The following PBX3 variants were observed in gnomAD, a reference collection of about 807,000 sequenced individuals.
The protein encoded by PBX3 is PBX homeobox 3, also known as pre-B-cell leukemia transcription factor 3.
In PBX3, 14 loss-of-function variants were observed where a neutral mutation model predicts 48.5. The ratio of observed to expected loss-of-function variants is 0.29; its 90% CI spans 0.19 to 0.45. The LOEUF is 0.45. PBX3 is among the 20% of genes least tolerant of loss of function. The pLI is 1.00. For missense variants in PBX3, 386 were observed against 546.7 expected (o/e 0.71, Z 2.93); for synonymous variants, 210 against 200.3 (o/e 1.05, Z -0.41).
intron 2 of PBX3, chr9:125,797,256 TAAGG>T (rs1392281249): frequency 1.3e-5 from 2 of 152,130 alleles, no homozygotes; most frequent in Non-Finnish European, 2.9e-5. Context: ...GTATTTGAAA[TAAGG>T]AAGAAGTTTT....
In PBX3 at chr9:125,801,272, C is replaced by G. The variant is rs752452064; in HGVS notation, c.274+52649C>G. Among the ~76,000 whole-genome samples, 134 of 152,102 alleles carry G rather than the reference C, an allele frequency of 8.8e-4. 10 individuals are homozygous for G. Among genetic ancestry groups the G allele is most frequent in the Non-Finnish European group, 1.5e-5 (1 of 68,022 alleles). The stretch of plus-strand genomic sequence containing the variant: ...GTTTTCATCCTGCCAAATTTTCTGC[C>G]GGGCTTCAGGCTGCCGAATTAGGCT... On this transcript the variant is annotated intron_variant, in intron 2 of 8. Coordinates refer to ENST00000373489, the MANE Select transcript of PBX3 (RefSeq NM_006195.6).
chr9:125,920,716 T>C (rs1203303449), intron 3 of PBX3, among the ~76,000 whole-genome samples: 1 of 152,230 alleles, frequency 6.6e-6, no homozygotes, highest in African/African-American at 2.4e-5. Flanking sequence ...TTCCCAAGCA[T>C]CTGGGAACCT....
At chr9:125,918,369 G>GT (rs753895526) in intron 3 of PBX3, among the ~76,000 whole-genome samples, 184 of 151,108 alleles carry the variant, frequency 1.2e-3, no homozygotes, top group South Asian at 3.4e-3. Context: ...AATCACCAGG[G>GT]TTTTTTTTTA....
At chr9:125,931,557 G>C (rs992103603) in intron 4 of PBX3, among the ~76,000 whole-genome samples, 1 of 152,126 alleles carries the variant, frequency 6.6e-6, no homozygotes, top group African/African-American at 2.4e-5. Flanking sequence ...CCAAAGTGCT[G>C]GGATTATAGG....
At position 125,872,075 on chromosome 9, in the gene PBX3, G is replaced by A. The variant is rs143197268; in HGVS notation, c.275-43611G>A. ...TTAAAAAAATTAGATTGAATAGATTGTATAGCTTCCAGACTAGTAAAGTAA... is the reference window on the plus strand; with the variant it reads ...TTAAAAAAATTAGATTGAATAGATTATATAGCTTCCAGACTAGTAAAGTAA... On this transcript the variant is annotated intron_variant, in intron 2 of 8. Coordinates refer to ENST00000373489, the MANE Select transcript of PBX3 (RefSeq NM_006195.6). Among the ~76,000 whole-genome samples the A allele has an allele frequency of 1.4e-4, 22 of 152,258 alleles. 1 individual carries two copies. The highest frequency in any genetic ancestry group is 6.8e-3 in the Middle Eastern group (2 of 294).
chr9:125,797,834 C>A (rs1355592670), intron 2 of PBX3, among the ~76,000 whole-genome samples: 2 of 152,068 alleles, frequency 1.3e-5, no homozygotes, highest in Admixed American at 6.5e-5. Flanking sequence ...TATGCTTTCT[C>A]CTCCAAGTAT....
intron 2 of PBX3, among the ~76,000 whole-genome samples, chr9:125,805,056 A>G (rs1241458258): frequency 6.6e-6 from 1 of 152,126 alleles, no homozygotes; most frequent in African/African-American, 2.4e-5. Context: ...AAGTATATCA[A>G]CAGACTGATG....
chr9:125,821,862 A>G (rs1272431560), intron 2 of PBX3, among the ~76,000 whole-genome samples: 1 of 152,152 alleles, frequency 6.6e-6, no homozygotes, highest in African/African-American at 2.4e-5. Flanking sequence ...AATGAGAAAT[A>G]GAGCCTCATT....
chr9:125,947,433 G>A (rs770954826), intron 5 of PBX3, among the ~76,000 whole-genome samples: 4 of 152,112 alleles, frequency 2.6e-5, no homozygotes, highest in Non-Finnish European at 5.9e-5. Context: ...GTACCAATTA[G>A]TGAAAAAGTA....
rs562843182 is a variant in PBX3, at chr9:125,931,573, G to A, written c.707+1728G>A. ...CAAAGTGCTGGGATTATAGGCAGGA[G>A]CCACCATGCCCAGCCAACTATTAAT... On this transcript the variant is annotated intron_variant, in intron 4 of 8. Transcript: ENST00000373489. 1.4e-3 allele frequency among the ~76,000 whole-genome samples: 209 copies of A among 152,290 alleles called. 1 individual carries two copies. Among genetic ancestry groups the A allele is most frequent in the African/African-American group, 4.8e-3 (198 of 41,548 alleles).
intron 2 of PBX3, among the ~76,000 whole-genome samples, chr9:125,899,562 CA>C (rs1387433898): frequency 6.7e-6 from 1 of 149,422 alleles, no homozygotes; most frequent in East Asian, 2.0e-4. Context: ...ACAAATCAAA[CA>C]GCTTCAAAAT....
chr9:125,758,026 A>T (rs1427464325), intron 2 of PBX3, among the ~76,000 whole-genome samples: 1 of 152,212 alleles, frequency 6.6e-6, no homozygotes, highest in African/African-American at 2.4e-5. Context: ...CGTGTTCACC[A>T]CTTGTTACAG....
intron 2 of PBX3, among the ~76,000 whole-genome samples, chr9:125,775,239 A>G (rs12686621): frequency 0.02 from 3,065 of 152,296 alleles, 173 homozygotes; most frequent in East Asian, 0.17. Context: ...GTGTGAATTG[A>G]TATCTCACTG....
intron 6 of PBX3, 112 bp from the exon 7 acceptor site, chr9:125,961,990 G>A (rs1842439183): frequency 3.4e-6 from 2 of 583,398 alleles, no homozygotes; most frequent in African/African-American, 1.9e-5. Flanking sequence ...AATGCTTTAT[G>A]TTGTGCACAG....
At chr9:125,939,847 T>C (rs1841921328) in intron 5 of PBX3, among the ~76,000 whole-genome samples, 1 of 152,124 alleles carries the variant, frequency 6.6e-6, no homozygotes, top group Non-Finnish European at 1.5e-5. Context: ...CCAAGCAAGC[T>C]AAACAGCATA....
intron 2 of PBX3, among the ~76,000 whole-genome samples, chr9:125,870,824 G>T (rs1193772962): frequency 6.6e-6 from 1 of 152,030 alleles, no homozygotes; most frequent in Admixed American, 6.6e-5. Context: ...AAAACCACAG[G>T]GAGACATTGT....
In PBX3 at chr9:125,966,108, C is replaced by T. The variant is rs1297368207; in HGVS notation, c.*185C>T. 4 of 394,516 alleles carry T rather than the reference C, an allele frequency of 1.0e-5. No homozygotes were observed. Among genetic ancestry groups the T allele is most frequent in the African/African-American group, 9.2e-5 (4 of 43,700 alleles). 24.4% of individuals were successfully genotyped at this position (394,516 alleles called of 1,614,324 possible). ...TCATTTGTATTTATACTTAAAAACA[C>T]ACAATGTTAAAAAAAATAAAGCACT... On this transcript the variant is annotated 3_prime_UTR_variant, in exon 9 of 9. Coordinates refer to ENST00000373489, the MANE Select transcript of PBX3 (RefSeq NM_006195.6).
chr9:125,869,421 G>T (rs977980480), intron 2 of PBX3, among the ~76,000 whole-genome samples: 15 of 152,132 alleles, frequency 9.9e-5, no homozygotes, highest in African/African-American at 3.6e-4. Context: ...TAGGTAGCTC[G>T]GTGAATTCTA....
At chr9:125,839,047 T>G (rs1027698458) in intron 2 of PBX3, among the ~76,000 whole-genome samples, 2 of 152,184 alleles carry the variant, frequency 1.3e-5, no homozygotes. Context: ...CATTCAGACC[T>G]GGATTTGGGC....
Sources: gnomAD v4.1 joint callset for allele counts (sites outside exome capture counted in the v4.1 genomes callset) on GRCh38, gnomAD v4.1.1 for gene constraint, MANE v1.5 for transcripts, NCBI Gene and HGNC (gene_info 2026-07-23, HGNC 2026-07-21) for gene names.